The following EBF1 variants were observed in gnomAD, a reference collection of about 807,000 sequenced individuals.
The protein encoded by EBF1 is transcription factor COE1.
EBF1 carries 10 observed loss-of-function variants against 68.4 expected under a neutral mutation model. The ratio of observed to expected loss-of-function variants is 0.15; its 90% CI spans 0.09 to 0.25. The LOEUF is 0.25. Ranked by LOEUF, EBF1 falls within the 10% of genes least tolerant of loss-of-function variation. The pLI is 1.00. For missense variants in EBF1, 509 were observed against 794.4 expected (o/e 0.64, Z 4.32); for synonymous variants, 298 against 299.8 (o/e 0.99, Z 0.06).
intron 6 of EBF1, among the ~76,000 whole-genome samples, chr5:158,931,621 C>G (rs912920023): frequency 3.9e-5 from 6 of 152,286 alleles, no homozygotes; most frequent in Non-Finnish European, 8.8e-5. Context: ...TCAAAATGCT[C>G]TAATATTATA....
At chr5:158,795,962 G>A (rs993899139) in intron 9 of EBF1, among the ~76,000 whole-genome samples, 8 of 152,122 alleles carry the variant, frequency 5.3e-5, no homozygotes, top group Non-Finnish European at 1.2e-4. Flanking sequence ...GGCTACCGTA[G>A]ACTCTTTCTG....
chr5:158,968,772 G>A (rs1561658318), intron 6 of EBF1, among the ~76,000 whole-genome samples: 2 of 152,158 alleles, frequency 1.3e-5, no homozygotes, highest in Non-Finnish European at 2.9e-5. Context: ...CAGGGTATTT[G>A]TAAATTATCA....
At chr5:158,833,988 T>G (rs1788165107) in intron 7 of EBF1, among the ~76,000 whole-genome samples, 1 of 152,230 alleles carries the variant, frequency 6.6e-6, no homozygotes, top group Non-Finnish European at 1.5e-5. Flanking sequence ...CATTCATATA[T>G]AGTTATAGAT....
intron 6 of EBF1, among the ~76,000 whole-genome samples, chr5:158,956,392 G>A (rs1216083622): frequency 1.3e-5 from 2 of 152,012 alleles, no homozygotes; most frequent in African/African-American, 4.8e-5. Flanking sequence ...AAGTTCAAGA[G>A]GGTTTTCAAA....
intron 6 of EBF1, among the ~76,000 whole-genome samples, chr5:158,963,210 G>T (rs539674888): frequency 6.6e-6 from 1 of 152,132 alleles, no homozygotes; most frequent in South Asian, 2.1e-4. Context: ...GCCAATTATG[G>T]TATCCCACCA....
At chr5:158,972,527 T>C (rs964023644) in intron 6 of EBF1, among the ~76,000 whole-genome samples, 1 of 152,224 alleles carries the variant, frequency 6.6e-6, no homozygotes, top group Non-Finnish European at 1.5e-5. Context: ...TGTAGTGGTC[T>C]TAAGGTTTCA....
At chr5:159,057,881 C>A (rs1204398952) in intron 6 of EBF1, among the ~76,000 whole-genome samples, 2 of 152,056 alleles carry the variant, frequency 1.3e-5, no homozygotes, top group African/African-American at 2.4e-5. Context: ...TGAAATGATA[C>A]AAAAAAATCC....
chr5:158,888,892 T>G (rs1236259756), intron 6 of EBF1, among the ~76,000 whole-genome samples: 1 of 152,132 alleles, frequency 6.6e-6, no homozygotes, highest in Non-Finnish European at 1.5e-5. Context: ...CTATCTTCCC[T>G]GTCATAGATG....
chr5:158,871,614 C>T (rs1032065521), intron 6 of EBF1, among the ~76,000 whole-genome samples: 1 of 152,108 alleles, frequency 6.6e-6, no homozygotes, highest in African/African-American at 2.4e-5. Flanking sequence ...AACCCCCTGG[C>T]CAAGGATCTG....
intron 6 of EBF1, among the ~76,000 whole-genome samples, chr5:159,048,786 A>G (rs1772957126): frequency 6.6e-6 from 1 of 152,202 alleles, no homozygotes; most frequent in East Asian, 1.9e-4. Context: ...CCATTTCAGG[A>G]TCCACAAGAG....
chr5:158,703,830 C>CT (rs970620654), intron 15 of EBF1, among the ~76,000 whole-genome samples: 1 of 152,180 alleles, frequency 6.6e-6, no homozygotes, highest in African/African-American at 2.4e-5. Context: ...CTTGTTCCTC[C>CT]TTGAGCCTGT....
intron 8 of EBF1, among the ~76,000 whole-genome samples, chr5:158,818,385 C>G (rs1393868430): frequency 6.6e-6 from 1 of 152,200 alleles, no homozygotes; most frequent in African/African-American, 2.4e-5. Context: ...CTGACAGAAG[C>G]AAAAACTGCC....
chr5:158,901,384 C>G (rs1237085069), intron 6 of EBF1, among the ~76,000 whole-genome samples: 3 of 152,216 alleles, frequency 2.0e-5, no homozygotes, highest in Non-Finnish European at 2.9e-5. Flanking sequence ...AAGTCCATGA[C>G]AGCAGGGATA....
At chr5:158,959,215 A>G (rs1296018964) in intron 6 of EBF1, among the ~76,000 whole-genome samples, 1 of 152,224 alleles carries the variant, frequency 6.6e-6, no homozygotes, top group Non-Finnish European at 1.5e-5. Flanking sequence ...CCTAACACCA[A>G]AAAAAGATGC....
intron 6 of EBF1, among the ~76,000 whole-genome samples, chr5:158,840,688 T>TTTTTTTTTG: frequency 7.8e-6 from 1 of 127,822 alleles, no homozygotes; most frequent in Non-Finnish European, 1.6e-5. Context: ...TTTTTTTTTT[T>TTTTTTTTTG]TGAGACGGAG....
In EBF1 at chr5:159,014,768, T is replaced by A. The variant is rs376373485; in HGVS notation, c.554+58628A>T. 2.6e-5 allele frequency among the ~76,000 whole-genome samples: 4 copies of A among 152,320 alleles called. No individual in the cohort carries two copies. The East Asian group carries it at 7.7e-4, about 29-fold the overall frequency. ...GATGAAAGCAGGGTGCTATCTGTAA[T>A]ATGCAAGCCGTATCATTAAGAGGAA... On this transcript the variant is annotated intron_variant, in intron 6 of 15. Transcript: ENST00000313708.
intron 6 of EBF1, among the ~76,000 whole-genome samples, chr5:159,023,284 T>C (rs561165147): frequency 1.1e-4 from 17 of 152,032 alleles, no homozygotes; most frequent in Non-Finnish European, 1.9e-4. Flanking sequence ...TCTATGATCA[T>C]TACATGATAG....
At chr5:158,976,505 G>T (rs1416484744) in intron 6 of EBF1, among the ~76,000 whole-genome samples, 1 of 109,490 alleles carries the variant, frequency 9.1e-6, no homozygotes, top group Non-Finnish European at 1.7e-5. Context: ...TGTTTTTATT[G>T]CAAAGGCCTT....
At chr5:158,976,917 G>A (rs984186057) in intron 6 of EBF1, among the ~76,000 whole-genome samples, 9 of 152,118 alleles carry the variant, frequency 5.9e-5, no homozygotes, top group African/African-American at 2.2e-4. Context: ...GTCAATTTAG[G>A]GTGGAAAGTT....
Sources: allele counts gnomAD v4.1 joint callset (sites outside exome capture counted in the v4.1 genomes callset), GRCh38; gene constraint gnomAD v4.1.1; transcripts MANE v1.5; gene names NCBI Gene and HGNC (gene_info 2026-07-23, HGNC 2026-07-21).